SF3A1: variants seen among roughly 807,000 people sequenced by gnomAD.
The protein encoded by SF3A1 is splicing factor 3a subunit 1.
Under a neutral mutation model 89.9 loss-of-function variants are expected in SF3A1, and 13 were observed. The ratio of observed to expected loss-of-function variants is 0.14; its 90% CI spans 0.09 to 0.23. The LOEUF (loss-of-function observed/expected upper bound fraction) is 0.23. Ranked by LOEUF, SF3A1 falls within the 10% of genes least tolerant of loss-of-function variation. The pLI, the probability that SF3A1 is intolerant of heterozygous loss-of-function variation, is 1.00. For synonymous variants in SF3A1, 405 were observed against 374.4 expected, an observed-to-expected ratio of 1.08 and a Z score of -0.94; for missense variants, 604 against 1,022.1, an observed-to-expected ratio of 0.59 and a Z score of 5.58.
chr22:30,356,689 C>T, intron 1 of SF3A1, 41 bp downstream of exon 1: 1 of 1,427,836 alleles, frequency 7.0e-7, no homozygotes, highest in East Asian at 2.9e-5. Flanking sequence ...AGCGCCCAGG[C>T]CAACCCTCCG....
Position 30,334,515 on chromosome 22 carries a change from G to C in SF3A1, c.*79C>G, listed in dbSNP as rs1467723150. On this transcript the variant is annotated 3_prime_UTR_variant, in exon 16 of 16. Coordinates refer to ENST00000215793, the MANE Select transcript of SF3A1 (RefSeq NM_005877.6). Reference sequence around the variant, plus strand: ...ATATGCAGGCAAGGCAAAGCCTCAGGGGGGCTCCTGGGTCTGGGGCAGGGG... The same window carrying C: ...ATATGCAGGCAAGGCAAAGCCTCAGCGGGGCTCCTGGGTCTGGGGCAGGGG... 4 of 847,398 alleles carry C rather than the reference G, an allele frequency of 4.7e-6. No homozygotes were observed. Among genetic ancestry groups the C allele is most frequent in the Non-Finnish European group, 7.4e-6 (4 of 543,686 alleles). 52.5% of individuals were successfully genotyped at this position (847,398 alleles called of 1,614,324 possible).
chr22:30,345,854 TG>T (rs1173691433), intron 3 of SF3A1, among the ~76,000 whole-genome samples: 1 of 151,792 alleles, frequency 6.6e-6, no homozygotes, highest in East Asian at 1.9e-4. Context: ...ACAGGGAAGG[TG>T]GTATCAGGGG....
chr22:30,335,077 T>C (rs2240420), intron 15 of SF3A1, among the ~76,000 whole-genome samples: 30,627 of 152,158 alleles, frequency 0.2, 3,346 homozygotes, highest in Middle Eastern at 0.35. Flanking sequence ...AGAACATTAA[T>C]GCCTCCATGT....
At chr22:30,347,161 G>C (rs1931446589) in intron 2 of SF3A1, among the ~76,000 whole-genome samples, 1 of 152,172 alleles carries the variant, frequency 6.6e-6, no homozygotes, top group Admixed American at 6.5e-5. Flanking sequence ...ACTGGGCATG[G>C]TGGTGTGTGC....
At chr22:30,355,458 C>A (rs532656719) in intron 1 of SF3A1, among the ~76,000 whole-genome samples, 30 of 152,326 alleles carry the variant, frequency 2.0e-4, no homozygotes, top group African/African-American at 6.7e-4. Flanking sequence ...AGGCCTTCAG[C>A]CTCTTTGGAA....
At position 30,340,786 on chromosome 22, in the gene SF3A1, C is replaced by T; in HGVS notation, c.1098G>A (p.Gln366=). 3 of 1,592,420 alleles carry T rather than the reference C, an allele frequency of 1.9e-6. No homozygotes were observed. The highest frequency in any genetic ancestry group is 2.6e-6 in the Non-Finnish European group (3 of 1,169,096). ...GTGTCTCTGGGGGTGGGGGCACTTT[C>T]TGCCCTTCTTCTTCATCATCTGAAC... ...DEGSDDEEEG[Q]KVPPPPETPM... is the part of the protein sequence containing the mutation. Residue 366 remains glutamine (Q), a synonymous_variant, in exon 8 of 16, where the codon CAG becomes CAA. Transcript: ENST00000215793.
chr22:30,356,873 TACG>T lies in SF3A1; in HGVS notation c.-84_-82del. 6 of 1,167,684 alleles carry T rather than the reference TACG, an allele frequency of 5.1e-6. No individual in the cohort carries two copies. The highest frequency in any genetic ancestry group is 6.5e-6 in the Non-Finnish European group (6 of 919,602). 72.3% of individuals were successfully genotyped at this position (1,167,684 alleles called of 1,614,324 possible). On this transcript the variant is annotated 5_prime_UTR_variant, in exon 1 of 16. Coordinates refer to ENST00000215793, the MANE Select transcript of SF3A1 (RefSeq NM_005877.6). ...CAAGACAGCCTCCCCGCTCGGTCAG[TACG>T]ACGAGCTCGCAAGATGGCGGCGGCC... is the stretch of plus-strand genomic sequence containing the variant.
intron 1 of SF3A1, among the ~76,000 whole-genome samples, chr22:30,355,411 G>A (rs1931754679): frequency 6.6e-6 from 1 of 152,198 alleles, no homozygotes; most frequent in South Asian, 2.1e-4. Flanking sequence ...CACTCTGGCT[G>A]AAGAGCCTGC....
chr22:30,335,336 T>C (rs1931031829), intron 15 of SF3A1, 131 bp downstream of exon 15: 5 of 803,554 alleles, frequency 6.2e-6, no homozygotes, highest in Non-Finnish European at 6.4e-6. Context: ...CATCATGACT[T>C]CTAGGATGGA....
chr22:30,353,657 T>G (rs572185275), intron 1 of SF3A1, among the ~76,000 whole-genome samples: 1 of 152,226 alleles, frequency 6.6e-6, no homozygotes, highest in Non-Finnish European at 1.5e-5. Context: ...TGATCTATTA[T>G]GACTCTTTCA....
chr22:30,337,139 C>T lies in SF3A1; in HGVS notation c.1993G>A (p.Ala665Thr). The part of the protein sequence containing the change: ...APPVAPVPAP[A>T]PMPPVHPPPP... ...GGGGGATGCACAGGGGGCATTGGGGCTGGAGCTGGGACAGGTGCCACAGGT... is the reference window on the plus strand; with the variant it reads ...GGGGGATGCACAGGGGGCATTGGGGTTGGAGCTGGGACAGGTGCCACAGGT... The change falls in exon 13 of 16, where the codon GCC (alanine) becomes ACC (threonine). Residue 665 changes from alanine to threonine, a missense_variant. Transcript: ENST00000215793. The T allele has an allele frequency of 1.2e-6, 2 of 1,613,678 alleles. No homozygotes were observed. Among genetic ancestry groups the T allele is most frequent in the Middle Eastern group, 1.7e-4 (1 of 6,024 alleles).
chr22:30,337,311 A>G (rs1190664617), intron 12 of SF3A1, 131 bp from the exon 13 acceptor site: 2 of 884,534 alleles, frequency 2.3e-6, no homozygotes, highest in African/African-American at 3.4e-5. Context: ...TTCCCTGCTA[A>G]GTCTGGCAGC....
At chr22:30,339,390 C>A (rs1931177269) in intron 9 of SF3A1, 139 bp from the exon 10 acceptor site, 7 of 1,070,360 alleles carry the variant, frequency 6.5e-6, no homozygotes, top group Non-Finnish European at 8.1e-6. Flanking sequence ...AACTCTTGTC[C>A]TCTGGGCTCG....
rs1467407641 is a variant in SF3A1, at chr22:30,332,113, A to G, written c.*2481T>C. 1.3e-5 allele frequency: 2 copies of G among 152,220 alleles called. No individual in the cohort carries two copies. Among genetic ancestry groups the G allele is most frequent in the African/African-American group, 4.8e-5 (2 of 41,440 alleles). The allele number at this position is 152,220 out of a possible 1,614,324, so 9.4% of individuals were successfully genotyped here. The stretch of plus-strand genomic sequence containing the variant: ...GTCTAATTACAGGGATAAATGAAAT[A>G]TGATTGCTAATAGTACATGTATTTC... On this transcript the variant is annotated 3_prime_UTR_variant, in exon 16 of 16. Coordinates refer to ENST00000215793, the MANE Select transcript of SF3A1 (RefSeq NM_005877.6).
intron 12 of SF3A1, 52 bp downstream of exon 12, chr22:30,337,637 TG>T: frequency 1.2e-6 from 1 of 857,724 alleles, no homozygotes; most frequent in Non-Finnish European, 1.9e-6. Flanking sequence ...TGACAGTACT[TG>T]GCCCGTGGTC....
chr22:30,334,745 T>C, intron 15 of SF3A1, 50 bp from the exon 16 acceptor site: 2 of 1,308,858 alleles, frequency 1.5e-6, no homozygotes, highest in Non-Finnish European at 2.2e-6. Flanking sequence ...GCCTTGGGGA[T>C]ACCGCTGCAA....
chr22:30,338,763 C>G, intron 11 of SF3A1, 26 bp downstream of exon 11: 4 of 1,613,200 alleles, frequency 2.5e-6, no homozygotes, highest in Non-Finnish European at 3.4e-6. Context: ...CTAAAAAAGT[C>G]AGTTCCAGGG....
rs537492058 is a variant in SF3A1, at chr22:30,335,852, C to T, written c.2107-99G>A. 17 of 971,856 alleles carry T rather than the reference C, an allele frequency of 1.7e-5. No individual in the cohort carries two copies. In the East Asian group the frequency reaches 3.6e-4, roughly 21 times the overall value. 60.2% of individuals were successfully genotyped at this position (971,856 alleles called of 1,614,324 possible). ...GCCTGTCCAGACAATGTCACCTGTGCATCTGGGCTCCTGGATTCTGGCCTG... is the reference window on the plus strand; with the variant it reads ...GCCTGTCCAGACAATGTCACCTGTGTATCTGGGCTCCTGGATTCTGGCCTG... On this transcript the variant is annotated intron_variant, in intron 13 of 15. Transcript: ENST00000215793.
At chr22:30,335,901 G>A (rs540985032) in intron 13 of SF3A1, 148 bp from the exon 14 acceptor site, 1 of 674,084 alleles carries the variant, frequency 1.5e-6, no homozygotes, top group Admixed American at 2.5e-5. Context: ...AACCCCTTGT[G>A]AGGTTGTACA....
Sources: allele counts gnomAD v4.1 joint callset (sites outside exome capture counted in the v4.1 genomes callset), GRCh38; gene constraint gnomAD v4.1.1; transcripts MANE v1.5; gene names NCBI Gene and HGNC (gene_info 2026-07-23, HGNC 2026-07-21).